The following MACROD1 variants were observed in gnomAD, a reference collection of about 807,000 sequenced individuals.
MACROD1 encodes mono-ADP ribosylhydrolase 1.
A neutral mutation model predicts 41.4 loss-of-function variants in MACROD1; 31 were observed. The ratio of observed to expected loss-of-function variants is 0.75; its 90% CI spans 0.56 to 1.01. MACROD1 has a LOEUF of 1.01. Among genes scored for constraint, MACROD1 ranks in the 50% least tolerant of loss-of-function variants. MACROD1 has a pLI of 0.00. For synonymous variants in MACROD1, 252 were observed against 203.4 expected, an observed-to-expected ratio of 1.24 and a Z score of -2.03; for missense variants, 473 against 460.0, an observed-to-expected ratio of 1.03 and a Z score of -0.26.
chr11:64,106,376 T>G (rs1192145380), intron 3 of MACROD1, among the ~76,000 whole-genome samples: 5 of 152,200 alleles, frequency 3.3e-5, no homozygotes. Context: ...GGGCCTCCCT[T>G]TTGGTGGCCC....
intron 2 of MACROD1, among the ~76,000 whole-genome samples, 190 bp from the exon 3 acceptor site, chr11:64,151,545 C>G (rs952979532): frequency 6.6e-6 from 1 of 152,184 alleles, no homozygotes; most frequent in Admixed American, 6.5e-5. Context: ...TAAAATCACG[C>G]GGGGACTCCT....
rs987895199 is a variant in MACROD1 at position 64,146,797 on chromosome 11, G to A, written c.517+4442C>T. Among the ~76,000 whole-genome samples, 5 of 149,140 alleles carry A rather than the reference G, an allele frequency of 3.4e-5. No individual in the cohort carries two copies. Among genetic ancestry groups the A allele is most frequent in the Admixed American group, 6.7e-5 (1 of 14,962 alleles). ...TCACACACATCATACAAATGCATAC[G>A]CACACCCCACACACATAGGCCAAAC... On this transcript the variant is annotated intron_variant, in intron 3 of 10. Transcript: ENST00000255681. This position sits in a 1 kb window ranked among gnomAD's most constrained non-coding sequence, Gnocchi z 4.7.
intron 3 of MACROD1, among the ~76,000 whole-genome samples, chr11:64,071,985 C>T (rs1045417473): frequency 1.3e-5 from 2 of 152,250 alleles, no homozygotes; most frequent in Non-Finnish European, 2.9e-5. Context: ...AACGGGCTGG[C>T]TCCTGAGCCG....
intron 3 of MACROD1, among the ~76,000 whole-genome samples, chr11:64,029,982 G>T (rs1030266207): frequency 1.3e-5 from 2 of 152,184 alleles, no homozygotes; most frequent in African/African-American, 4.8e-5. Context: ...GGGCCCATGA[G>T]AGAAGCCTGG....
intron 3 of MACROD1, among the ~76,000 whole-genome samples, chr11:64,083,813 T>C (rs903171630): frequency 2.6e-5 from 4 of 152,144 alleles, no homozygotes; most frequent in African/African-American, 9.7e-5. Flanking sequence ...CAGCAGGGGT[T>C]GGCATCAACA....
At position 64,096,297 on chromosome 11, in the gene MACROD1, C is replaced by A. The variant is rs763943317; in HGVS notation, c.517+54942G>T. On this transcript the variant is annotated intron_variant, in intron 3 of 10. Transcript: ENST00000255681. The surrounding 1 kb of genome is among the most constrained non-coding windows in gnomAD (Gnocchi z 4.6). The stretch of plus-strand genomic sequence containing the variant: ...AAGAGGTTCCGGCCTTGGCTGGTGG[C>A]GCCAGGTTCATCACCCCGAGCTTCC... Among the ~76,000 whole-genome samples the A allele has an allele frequency of 6.6e-6, 1 of 152,192 alleles. No individual in the cohort carries two copies. Among genetic ancestry groups the A allele is most frequent in the African/African-American group, 2.4e-5 (1 of 41,438 alleles).
intron 3 of MACROD1, among the ~76,000 whole-genome samples, chr11:64,055,071 C>T (rs1943760182): frequency 2.0e-5 from 3 of 152,156 alleles, no homozygotes; most frequent in African/African-American, 2.4e-5. Flanking sequence ...TCCTAGATCC[C>T]CCCAGCCTGG....
rs1291783315 is a variant in MACROD1, at chr11:64,036,445, G to C, written c.518-21164C>G. Among the ~76,000 whole-genome samples the C allele has an allele frequency of 2.6e-5, 4 of 152,192 alleles. No homozygotes were observed. The highest frequency in any genetic ancestry group is 6.5e-5 in the Admixed American group (1 of 15,292). ...GCTCTCCCGAGCCGAGGCTGGAAAG[G>C]GCGGGGGCTCAGCTGGAGCTCTAGT... On this transcript the variant is annotated intron_variant, in intron 3 of 10. Transcript: ENST00000255681. The surrounding 1 kb of genome is among the most constrained non-coding windows in gnomAD (Gnocchi z 5.6).
At chr11:64,075,370 C>G (rs1944182443) in intron 3 of MACROD1, among the ~76,000 whole-genome samples, 1 of 152,224 alleles carries the variant, frequency 6.6e-6, no homozygotes, top group Non-Finnish European at 1.5e-5. Flanking sequence ...GGGCACTATC[C>G]CAAGCTTGAC....
Position 64,082,225 on chromosome 11 carries a change from G to A in MACROD1, c.518-66944C>T, listed in dbSNP as rs1944316802. ...CATCCCTTAAATATTGGTGCTCTCG[G>A]CAGCACTGGGCCCCTGCTTAGCAGA... On this transcript the variant is annotated intron_variant, in intron 3 of 10. Transcript: ENST00000255681. The surrounding 1 kb of genome is among the most constrained non-coding windows in gnomAD (Gnocchi z 4.5). 6.6e-6 allele frequency among the ~76,000 whole-genome samples: 1 copy of A among 152,174 alleles called. No homozygotes were observed. The highest frequency in any genetic ancestry group is 6.5e-5 in the Admixed American group (1 of 15,286).
chr11:64,117,709 C>T (rs759925523), intron 3 of MACROD1: 14 of 1,613,588 alleles, frequency 8.7e-6, no homozygotes, highest in South Asian at 2.2e-5. Flanking sequence ...GGCTCCATCA[C>T]GGAGACCTTG....
chr11:64,140,577 C>T (rs1440027339), intron 3 of MACROD1, among the ~76,000 whole-genome samples: 1 of 152,204 alleles, frequency 6.6e-6, no homozygotes, highest in Non-Finnish European at 1.5e-5. Flanking sequence ...CTCAGCAGCC[C>T]TCCCAGAGCA....
At chr11:64,022,125 C>T (rs2134351229) in intron 3 of MACROD1, among the ~76,000 whole-genome samples, 1 of 151,912 alleles carries the variant, frequency 6.6e-6, no homozygotes, top group South Asian at 2.1e-4. Flanking sequence ...CAGGCAAGAG[C>T]AGCCCCTGGG....
At chr11:64,058,732 C>G (rs1462289365) in intron 3 of MACROD1, among the ~76,000 whole-genome samples, 1 of 152,272 alleles carries the variant, frequency 6.6e-6, no homozygotes, top group Non-Finnish European at 1.5e-5. Context: ...ATTACCTCGC[C>G]TCCTGCTTGC....
intron 7 of MACROD1, 35 bp from the exon 8 acceptor site, chr11:63,999,439 C>T (rs367696669): frequency 3.1e-5 from 49 of 1,558,004 alleles, no homozygotes; most frequent in Non-Finnish European, 4.2e-5. Flanking sequence ...GTCCTAGGCT[C>T]TGGCCCCGCC....
At chr11:64,055,558 C>T (rs1324696330) in intron 3 of MACROD1, among the ~76,000 whole-genome samples, 8 of 152,178 alleles carry the variant, frequency 5.3e-5, no homozygotes, top group Non-Finnish European at 1.2e-4. Context: ...CTTTCCAGCA[C>T]GGAGCACAAG....
At chr11:64,047,261 G>A (rs1025624861) in intron 3 of MACROD1, among the ~76,000 whole-genome samples, 14 of 152,124 alleles carry the variant, frequency 9.2e-5, no homozygotes, top group Non-Finnish European at 1.9e-4. Context: ...CTCCCAGCAA[G>A]CCTTCCTGGC....
intron 1 of MACROD1, among the ~76,000 whole-genome samples, chr11:64,155,388 G>A (rs184275209): frequency 2.4e-4 from 37 of 152,340 alleles, no homozygotes; most frequent in African/African-American, 7.9e-4. Flanking sequence ...CCCAGGCTGC[G>A]CCTTTTCTTC....
intron 4 of MACROD1, among the ~76,000 whole-genome samples, chr11:64,013,431 A>T (rs1943041674): frequency 6.6e-6 from 1 of 152,202 alleles, no homozygotes; most frequent in South Asian, 2.1e-4. Context: ...GGCAGAAGGA[A>T]CTGCCAGGGC....
Sources: allele counts gnomAD v4.1 joint callset (sites outside exome capture counted in the v4.1 genomes callset), GRCh38; gene constraint gnomAD v4.1.1; non-coding constraint Gnocchi (gnomAD v3.1); transcripts MANE v1.5; gene names NCBI Gene and HGNC (gene_info 2026-07-23, HGNC 2026-07-21).